GIN1: variants seen among roughly 807,000 people sequenced by gnomAD.
GIN1 encodes the protein gypsy retrotransposon integrase-like protein 1.
Under a neutral mutation model 51.4 loss-of-function variants are expected in GIN1, and 41 were observed. The observed-to-expected ratio is 0.80, with a 90% CI of 0.62 to 1.04. The LOEUF is 1.04. Ranked by LOEUF, GIN1 falls within the 50% of genes least tolerant of loss-of-function variation. The pLI is 0.00. For synonymous variants in GIN1, 222 were observed against 206.5 expected, an observed-to-expected ratio of 1.07 and a Z score of -0.64; for missense variants, 610 against 612.4, an observed-to-expected ratio of 1.00 and a Z score of 0.04.
intron 6 of GIN1, 42 bp from the exon 7 acceptor site, chr5:103,096,868 T>C (rs1583114898): frequency 2.4e-6 from 3 of 1,263,172 alleles, no homozygotes; most frequent in South Asian, 2.6e-5. Context: ...ATGAAAGAGC[T>C]ATAATATCTT....
intron 1 of GIN1, among the ~76,000 whole-genome samples, chr5:103,113,043 T>C (rs1359468313): frequency 3.3e-5 from 5 of 152,128 alleles, no homozygotes; most frequent in African/African-American, 9.7e-5. Flanking sequence ...AAAGCACTGA[T>C]TGTAGATGAG....
At chr5:103,117,958 T>C (rs537447575) in intron 1 of GIN1, among the ~76,000 whole-genome samples, 6 of 152,162 alleles carry the variant, frequency 3.9e-5, no homozygotes, top group Non-Finnish European at 8.8e-5. Context: ...TAATACTTGG[T>C]TCAGGCCTCT....
In GIN1 at chr5:103,120,093, T is replaced by A. The variant is rs1174925738; in HGVS notation, c.-37A>T. ...GTGGTCCTAAATTCAAACGACAGAT[T>A]TAAGCTTCCTCTCGTGATTTATCTC... On this transcript the variant is annotated 5_prime_UTR_variant, in exon 1 of 8. Transcript: ENST00000399004. The A allele has an allele frequency of 5.2e-6, 1 of 193,894 alleles. No individual in the cohort carries two copies. The highest frequency in any genetic ancestry group is 2.3e-5 in the African/African-American group (1 of 43,690). The allele number at this position is 193,894 out of a possible 1,614,324, so 12.0% of individuals were successfully genotyped here.
chr5:103,092,950 A>G (rs1472931769), intron 7 of GIN1, among the ~76,000 whole-genome samples: 4,919 of 136,218 alleles, frequency 0.036, 107 homozygotes, highest in African/African-American at 0.12. Flanking sequence ...TGTCTCAAAA[A>G]AAAAAAAAAA....
At position 103,120,048 on chromosome 5, in the gene GIN1, C is replaced by A. The variant is rs1788372692; in HGVS notation, c.-8+16G>T. The A allele has an allele frequency of 1.6e-5, 3 of 182,272 alleles. No individual in the cohort carries two copies. The highest frequency in any genetic ancestry group is 5.5e-5 in the Admixed American group (1 of 18,260). The allele number at this position is 182,272 out of a possible 1,614,324, so 11.3% of individuals were successfully genotyped here. On this transcript the variant is annotated intron_variant, in intron 1 of 7. Transcript: ENST00000399004. ...AAACAGTAGGTATGACACAGCACAC[C>A]AGAACGACCACTCACCGAGGTGGTC...
chr5:103,096,528 G>A lies in GIN1; in HGVS notation c.1294+13C>T. ...TAAAGCAATAAAAATGTAGAGAAGT[G>A]ACAGATATTTACCTTGTTCACTGGA... On this transcript the variant is annotated intron_variant, in intron 7 of 7. Coordinates refer to ENST00000399004, the MANE Select transcript of GIN1 (RefSeq NM_017676.2). 6.4e-7 allele frequency: 1 copy of A among 1,566,582 alleles called. No individual in the cohort carries two copies.
At chr5:103,088,499 A>G (rs987993044) in intron 7 of GIN1, among the ~76,000 whole-genome samples, 6 of 152,226 alleles carry the variant, frequency 3.9e-5, no homozygotes, top group Admixed American at 1.3e-4. Context: ...TAGATTAAAA[A>G]TAAAATAATA....
In GIN1 at chr5:103,104,606, T is replaced by A. The variant is rs781952414; in HGVS notation, c.574A>T (p.Ile192Leu). 1.3e-6 allele frequency: 2 copies of A among 1,572,070 alleles called. No homozygotes were observed. The highest frequency in any genetic ancestry group is 4.5e-5 in the East Asian group (2 of 44,642). ...ASEVSKAIINIFFLYGPPQKI... is the reference protein window; with the variant it reads ...ASEVSKAIINLFFLYGPPQKI... ...TGAGGAGGTCCATATAAGAAAAATA[T>A]ATTGATAATAGCTTTAGAAACTTCT... Residue 192 changes from isoleucine to leucine, a missense_variant, in exon 4 of 8, where the codon ATA (isoleucine) becomes TTA (leucine). Coordinates refer to ENST00000399004, the MANE Select transcript of GIN1 (RefSeq NM_017676.2).
intron 4 of GIN1, among the ~76,000 whole-genome samples, chr5:103,098,024 A>G (rs1230284433): frequency 4.6e-5 from 7 of 152,098 alleles, no homozygotes; most frequent in African/African-American, 1.2e-4. Context: ...CTGGGACTAC[A>G]GGTGTGCGCC....
At chr5:103,102,515 C>T (rs1242069295) in intron 4 of GIN1, 1 of 152,124 alleles carries the variant, frequency 6.6e-6, no homozygotes, top group Non-Finnish European at 1.5e-5. Context: ...CAGTGTGAAA[C>T]AGGAAATGAG....
In GIN1 at chr5:103,097,465, A is replaced by C; in HGVS notation, c.857T>G (p.Phe286Cys). ...HLEPTKNTPY[F>C]QMFSRNPYMP... Reference sequence around the variant, plus strand: ...ATAAGGATTTCGACTAAACATTTGAAAATATGGTGTATTTTTAGTAGGTTC... The same window carrying C: ...ATAAGGATTTCGACTAAACATTTGACAATATGGTGTATTTTTAGTAGGTTC... Residue 286 changes from phenylalanine (F) to cysteine (C), a missense_variant, in exon 6 of 8, where the codon TTT (phenylalanine) becomes TGT (cysteine). Physicochemically the swap from Phe to Cys is radical, Grantham distance 205 (BLOSUM62 -2). Transcript: ENST00000399004. The C allele has an allele frequency of 6.4e-7, 1 of 1,565,368 alleles. No individual in the cohort carries two copies. The highest frequency in any genetic ancestry group is 1.1e-5 in the South Asian group (1 of 87,130).
At position 103,119,670 on chromosome 5, in the gene GIN1, G is replaced by A. The variant is rs151039083; in HGVS notation, c.-8+394C>T. ...ATTAAATGACTGATCAAAGTAATGGGGAGAATTCTTCAACGCCGGCCAAAA... is the reference window on the plus strand; with the variant it reads ...ATTAAATGACTGATCAAAGTAATGGAGAGAATTCTTCAACGCCGGCCAAAA... On this transcript the variant is annotated intron_variant, in intron 1 of 7. Coordinates refer to ENST00000399004, the MANE Select transcript of GIN1 (RefSeq NM_017676.2). 5.3e-5 allele frequency among the ~76,000 whole-genome samples: 8 copies of A among 152,274 alleles called. No individual in the cohort carries two copies. The South Asian group carries it at 8.3e-4, about 16-fold the overall frequency.
In GIN1 at chr5:103,096,736, C is replaced by A. The variant is rs1554195122; in HGVS notation, c.1099G>T (p.Gly367Cys). 3 of 1,612,756 alleles carry A rather than the reference C, an allele frequency of 1.9e-6. No homozygotes were observed. The highest frequency in any genetic ancestry group is 2.2e-5 in the East Asian group (1 of 44,856). ...KQLNPFHLKV[G>C]HEVLRQRKNW... ...TTCCTTTGTCTTAAAACTTCATGAC[C>A]CACTTTTAAATGAAATGGATTTAAT... Residue 367 changes from glycine to cysteine, a missense_variant, in exon 7 of 8, where the codon GGT (glycine) becomes TGT (cysteine). Gly to Cys is a radical substitution (Grantham distance 159, BLOSUM62 -3). Transcript: ENST00000399004.
chr5:103,105,561 C>T (rs1422604558), intron 3 of GIN1, among the ~76,000 whole-genome samples: 4 of 152,146 alleles, frequency 2.6e-5, no homozygotes, highest in African/African-American at 9.7e-5. Flanking sequence ...AGCAATTTCT[C>T]TCAATCGTGG....
At chr5:103,103,800 T>A (rs1352533866) in intron 4 of GIN1, among the ~76,000 whole-genome samples, 1 of 152,142 alleles carries the variant, frequency 6.6e-6, no homozygotes, top group South Asian at 2.1e-4. Flanking sequence ...TTATTATTGT[T>A]ATTTTTTGAG....
intron 1 of GIN1, among the ~76,000 whole-genome samples, chr5:103,118,630 G>A (rs1788159038): frequency 1.3e-5 from 2 of 152,044 alleles, no homozygotes; most frequent in East Asian, 1.9e-4. Context: ...ATGACAAGGA[G>A]AAATAGAAAA....
chr5:103,091,232 C>T (rs554665609), intron 7 of GIN1, among the ~76,000 whole-genome samples: 2 of 152,222 alleles, frequency 1.3e-5, no homozygotes, highest in Non-Finnish European at 2.9e-5. Context: ...ATTTTGGATA[C>T]ACTGGATTAT....
At position 103,096,524 on chromosome 5, in the gene GIN1, A is replaced by C; in HGVS notation, c.1294+17T>G. 6.4e-7 allele frequency: 1 copy of C among 1,552,040 alleles called. No homozygotes were observed. Among genetic ancestry groups the C allele is most frequent in the South Asian group, 1.2e-5 (1 of 86,672 alleles). On this transcript the variant is annotated intron_variant, in intron 7 of 7. Transcript: ENST00000399004. ...TACCTAAAGCAATAAAAATGTAGAG[A>C]AGTGACAGATATTTACCTTGTTCAC...
chr5:103,094,765 CT>C (rs373959084), intron 7 of GIN1, among the ~76,000 whole-genome samples: 5 of 152,070 alleles, frequency 3.3e-5, no homozygotes, highest in African/African-American at 4.8e-5. Flanking sequence ...CTTGTATAAC[CT>C]TTTTTTTCCC....
Sources: allele counts gnomAD v4.1 joint callset (sites outside exome capture counted in the v4.1 genomes callset), GRCh38; gene constraint gnomAD v4.1.1; transcripts MANE v1.5; gene names NCBI Gene and HGNC (gene_info 2026-07-23, HGNC 2026-07-21).